Variants in RBFOX1 observed in about 807,000 individuals in gnomAD.
RBFOX1 encodes the protein RNA binding fox-1 homolog 1.
Under a neutral mutation model 57.7 loss-of-function variants are expected in RBFOX1, and 8 were observed. The observed-to-expected ratio is 0.14, with a 90% CI of 0.08 to 0.25. The LOEUF is 0.25. Among genes scored for constraint, RBFOX1 ranks in the 10% least tolerant of loss-of-function variants. The pLI, the probability that RBFOX1 is intolerant of heterozygous loss-of-function variation, is 1.00. For missense variants in RBFOX1, 611 were observed against 548.5 expected (o/e 1.11, Z -1.14); for synonymous variants, 326 against 222.4 (o/e 1.47, Z -4.15).
chr16:6,383,442 A>C (rs1039734445), intron 2 of RBFOX1, among the ~76,000 whole-genome samples: 20 of 152,252 alleles, frequency 1.3e-4, no homozygotes, highest in African/African-American at 4.8e-4. Context: ...TTGGGTCAGG[A>C]CAAGTCCAAT....
chr16:7,271,760 C>G (rs529046927), intron 4 of RBFOX1, among the ~76,000 whole-genome samples: 1 of 151,906 alleles, frequency 6.6e-6, no homozygotes, highest in African/African-American at 2.4e-5. Context: ...CACAGTAGTT[C>G]TCTGTATCCA....
chr16:6,524,148 C>A (rs2096546771), intron 2 of RBFOX1, among the ~76,000 whole-genome samples: 1 of 152,182 alleles, frequency 6.6e-6, no homozygotes, highest in Non-Finnish European at 1.5e-5. Flanking sequence ...CCCGACACTA[C>A]CTTTCCCAGC....
Position 6,493,367 on chromosome 16 carries a change from A to T in RBFOX1, c.-63-161236A>T, listed in dbSNP as rs73526535. ...ATGGTTTGACCACAGAAGAAAATCA[A>T]ATTTCCCTGTTGCTGTACACACTTG... is the stretch of plus-strand genomic sequence containing the variant. On this transcript the variant is annotated intron_variant, in intron 2 of 15. Transcript: ENST00000550418. Among the ~76,000 whole-genome samples, 1,120 of 152,232 alleles carry T rather than the reference A, an allele frequency of 7.4e-3. 23 individuals are homozygous for T. Among genetic ancestry groups the T allele is most frequent in the African/African-American group, 0.026 (1,074 of 41,536 alleles).
intron 1 of RBFOX1, among the ~76,000 whole-genome samples, chr16:5,403,872 T>G (rs62016362): frequency 0.018 from 2,742 of 152,080 alleles, 48 homozygotes; most frequent in Middle Eastern, 0.058. Flanking sequence ...TGAAATATAC[T>G]GGGGAAAGAT....
intron 4 of RBFOX1, among the ~76,000 whole-genome samples, chr16:7,140,807 A>G (rs2073554893): frequency 1.3e-5 from 2 of 151,990 alleles, no homozygotes; most frequent in Admixed American, 1.3e-4. Flanking sequence ...TGGTATGCTC[A>G]TAATGGATTT....
intron 1 of RBFOX1, among the ~76,000 whole-genome samples, chr16:6,274,333 G>A (rs1350629981): frequency 6.6e-6 from 1 of 152,190 alleles, no homozygotes; most frequent in East Asian, 1.9e-4. Flanking sequence ...TACAGAAATT[G>A]TGGTATATCC....
intron 4 of RBFOX1, among the ~76,000 whole-genome samples, chr16:7,131,275 A>T (rs1022954433): frequency 1.5e-4 from 22 of 148,346 alleles, no homozygotes; most frequent in East Asian, 1.2e-3. Flanking sequence ...CGACCTGGGA[A>T]GCGGAGGTTG....
intron 3 of RBFOX1, among the ~76,000 whole-genome samples, chr16:6,971,028 G>T (rs2085414554): frequency 6.6e-6 from 1 of 152,146 alleles, no homozygotes; most frequent in East Asian, 1.9e-4. Flanking sequence ...TATTTCTTGA[G>T]AACCATACTA....
At chr16:5,447,352 A>T (rs1306748439) in intron 1 of RBFOX1, among the ~76,000 whole-genome samples, 1 of 147,134 alleles carries the variant, frequency 6.8e-6, no homozygotes, top group Non-Finnish European at 1.5e-5. Context: ...CCTGTCTCTC[A>T]TCATTCAATG....
intron 3 of RBFOX1, among the ~76,000 whole-genome samples, chr16:6,689,646 T>C (rs1054029147): frequency 2.0e-5 from 3 of 152,212 alleles, no homozygotes; most frequent in South Asian, 2.1e-4. Flanking sequence ...TGTAGACATA[T>C]TCCTTGGGGA....
At chr16:5,971,402 C>T (rs1339870343) in intron 4 of RBFOX1, among the ~76,000 whole-genome samples, 1 of 152,098 alleles carries the variant, frequency 6.6e-6, no homozygotes, top group Non-Finnish European at 1.5e-5. Context: ...GTGTGGGGAC[C>T]ATAGATCTCA....
chr16:7,026,487 C>G (rs1415338016), intron 3 of RBFOX1, among the ~76,000 whole-genome samples: 4 of 152,060 alleles, frequency 2.6e-5, no homozygotes, highest in African/African-American at 4.8e-5. Context: ...CACTTCCAAT[C>G]TGCCTCTTTT....
At chr16:7,695,388 C>T (rs979139575) in intron 14 of RBFOX1, among the ~76,000 whole-genome samples, 1 of 107,108 alleles carries the variant, frequency 9.3e-6, no homozygotes, top group East Asian at 2.3e-4. Flanking sequence ...GCATCATCTC[C>T]TACATGCTGA....
chr16:6,317,103 G>A (rs1346451915), intron 2 of RBFOX1, 46 bp downstream of exon 2: 6 of 1,478,634 alleles, frequency 4.1e-6, no homozygotes, highest in Non-Finnish European at 5.5e-6. Context: ...ATACATCCAT[G>A]TCTTTGATCC....
At chr16:7,432,113 A>C (rs1430795835) in intron 4 of RBFOX1, among the ~76,000 whole-genome samples, 1 of 152,168 alleles carries the variant, frequency 6.6e-6, no homozygotes, top group Non-Finnish European at 1.5e-5. Flanking sequence ...GGATGCCCCC[A>C]CACTGTGCTG....
chr16:7,423,890 G>A (rs1051646991), intron 4 of RBFOX1, among the ~76,000 whole-genome samples: 4 of 152,110 alleles, frequency 2.6e-5, no homozygotes, highest in African/African-American at 9.7e-5. Flanking sequence ...GTCTTTACCA[G>A]CCTGTCCATA....
intron 4 of RBFOX1, among the ~76,000 whole-genome samples, chr16:7,202,651 C>T (rs1319894013): frequency 6.6e-6 from 1 of 152,182 alleles, no homozygotes; most frequent in African/African-American, 2.4e-5. Context: ...GACCTCCTGT[C>T]AGAGCAGCCA....
At chr16:7,008,481 A>T (rs1255445588) in intron 3 of RBFOX1, among the ~76,000 whole-genome samples, 1 of 152,130 alleles carries the variant, frequency 6.6e-6, no homozygotes, top group Non-Finnish European at 1.5e-5. Context: ...CAAAGGTTGC[A>T]GTGATCTGAG....
At chr16:5,425,093 C>CTATA (rs2067511432) in intron 1 of RBFOX1, among the ~76,000 whole-genome samples, 3 of 144,668 alleles carry the variant, frequency 2.1e-5, no homozygotes, top group Non-Finnish European at 4.5e-5. Flanking sequence ...ATCTATCTAT[C>CTATA]TATCTATCTA....
Sources: allele counts gnomAD v4.1 joint callset (sites outside exome capture counted in the v4.1 genomes callset), GRCh38; gene constraint gnomAD v4.1.1; transcripts MANE v1.5; gene names NCBI Gene and HGNC (gene_info 2026-07-23, HGNC 2026-07-21).